UTP20: variants seen among roughly 807,000 people sequenced by gnomAD.
UTP20 encodes the protein small subunit processome component 20 homolog.
In UTP20, 164 loss-of-function variants were observed where a neutral mutation model predicts 329.5. The observed-to-expected ratio is 0.50, with a 90% CI of 0.44 to 0.57. UTP20 has a LOEUF of 0.57. Among genes scored for constraint, UTP20 ranks in the 20% least tolerant of loss-of-function variants. UTP20 has a pLI of 0.00. For synonymous variants in UTP20, 1,151 were observed against 1,159.3 expected (o/e 0.99, Z 0.14); for missense variants, 3,055 against 3,284.2 (o/e 0.93, Z 1.71).
chr12:101,306,624 A>G (rs1304545109), intron 16 of UTP20, 75 bp from the exon 17 acceptor site: 9 of 1,374,880 alleles, frequency 6.5e-6, no homozygotes, highest in Non-Finnish European at 2.0e-6. Flanking sequence ...TAAAACTTAA[A>G]TCTTGCTGAC....
chr12:101,294,001 C>T (rs765561037), intron 11 of UTP20, among the ~76,000 whole-genome samples: 1 of 152,054 alleles, frequency 6.6e-6, no homozygotes, highest in Non-Finnish European at 1.5e-5. Context: ...TAGCAGCCAT[C>T]GGGTCTAATG....
intron 25 of UTP20, among the ~76,000 whole-genome samples, chr12:101,321,872 C>T (rs546814869): frequency 5.8e-4 from 87 of 151,046 alleles, no homozygotes; most frequent in Middle Eastern, 3.4e-3. Context: ...GGCCTCCCAA[C>T]GTGCTAAGAT....
chr12:101,341,107 C>A (rs1359415773), intron 32 of UTP20, among the ~76,000 whole-genome samples: 1 of 151,682 alleles, frequency 6.6e-6, no homozygotes, highest in East Asian at 1.9e-4. Flanking sequence ...TCCCAAGTAG[C>A]TGGGAATACA....
intron 8 of UTP20, 154 bp downstream of exon 8, chr12:101,291,042 C>G: frequency 1.5e-6 from 1 of 680,860 alleles, no homozygotes; most frequent in Non-Finnish European, 2.2e-6. Flanking sequence ...TCCCTCTGCC[C>G]CCCTGTGCTA....
At chr12:101,338,510 T>C (rs1463779589) in intron 30 of UTP20, among the ~76,000 whole-genome samples, 1 of 152,226 alleles carries the variant, frequency 6.6e-6, no homozygotes, top group Non-Finnish European at 1.5e-5. Flanking sequence ...ATGAAAATGA[T>C]TTCTACTGTC....
At chr12:101,377,874 G>A (rs1030851363) in intron 56 of UTP20, among the ~76,000 whole-genome samples, 3 of 152,154 alleles carry the variant, frequency 2.0e-5, no homozygotes, top group African/African-American at 7.2e-5. Flanking sequence ...AATACTGTCT[G>A]TGCTGCCTCC....
At chr12:101,372,593 C>T (rs1870330677) in intron 51 of UTP20, among the ~76,000 whole-genome samples, 1 of 152,262 alleles carries the variant, frequency 6.6e-6, no homozygotes, top group Non-Finnish European at 1.5e-5. Flanking sequence ...GAGAGATCAG[C>T]TTCCAACCTG....
rs967879803 is a variant in UTP20 at position 101,338,169 on chromosome 12, G to A, written c.3760G>A (p.Asp1254Asn). The A allele has an allele frequency of 6.2e-7, 1 of 1,614,122 alleles. No homozygotes were observed. The highest frequency in any genetic ancestry group is 8.5e-7 in the Non-Finnish European group (1 of 1,180,014). ...LSDATASIVMDIVDDLLNLPD... is the reference protein window; with the variant it reads ...LSDATASIVMNIVDDLLNLPD... ...TGATGCCACAGCCAGTATTGTAATG[G>A]ACATAGTTGATGACCTTCTTAACCT... Residue 1254 changes from aspartate (D) to asparagine (N), a missense_variant, in exon 30 of 62, where the codon GAC becomes AAC. This residue lies in a region of UTP20 where 2,445 missense variants were observed against 2,575.5 expected (regional missense o/e 0.95). Coordinates refer to ENST00000261637, the MANE Select transcript of UTP20 (RefSeq NM_014503.3).
At chr12:101,381,721 A>G (rs1325929205) in intron 58 of UTP20, among the ~76,000 whole-genome samples, 1 of 151,930 alleles carries the variant, frequency 6.6e-6, no homozygotes, top group Admixed American at 6.5e-5. Context: ...TGCTCCATTT[A>G]AAATTCCCAA....
chr12:101,306,750 G>A lies in UTP20; in HGVS notation c.1984G>A (p.Glu662Lys). The A allele has an allele frequency of 3.1e-6, 5 of 1,604,420 alleles. No individual in the cohort carries two copies. Among genetic ancestry groups the A allele is most frequent in the Non-Finnish European group, 4.3e-6 (5 of 1,174,718 alleles). The part of the protein sequence containing the change: ...ILNHFDVQLP[E>K]SMEDDGLSER... ...AAACCATTTTGATGTCCAGCTTCCA[G>A]AATCAATGGAGGTATTTTAACTGTT... The change falls in exon 17 of 62, where the codon GAA becomes AAA. Residue 662 changes from glutamate (E) to lysine (K), a missense_variant. By Grantham distance (56) the Glu-to-Lys change is moderately conservative. Transcript: ENST00000261637.
chr12:101,314,942 A>G (rs1041892636), intron 21 of UTP20, among the ~76,000 whole-genome samples: 5 of 151,688 alleles, frequency 3.3e-5, no homozygotes, highest in Admixed American at 3.3e-4. Flanking sequence ...AAATACAAAA[A>G]TTAGCTGGGC....
In UTP20 at chr12:101,329,341, A is replaced by G. The variant is rs1377234263; in HGVS notation, c.3309A>G (p.Ile1103Met). ...RQHGILNSLE[I>M]VLKNISHLIS... The stretch of plus-strand genomic sequence containing the variant: ...ACGGTATCTTAAACAGCCTTGAGAT[A>G]GTATTGAAAAACATTAGTCATCTGA... Residue 1103 changes from isoleucine to methionine, a missense_variant, in exon 27 of 62, where the codon ATA becomes ATG. Transcript: ENST00000261637. 3 of 1,614,190 alleles carry G rather than the reference A, an allele frequency of 1.9e-6. No individual in the cohort carries two copies. The highest frequency in any genetic ancestry group is 2.2e-5 in the South Asian group (2 of 91,078).
At chr12:101,287,102 T>C (rs1015128742) in intron 5 of UTP20, among the ~76,000 whole-genome samples, 1 of 152,198 alleles carries the variant, frequency 6.6e-6, no homozygotes, top group African/African-American at 2.4e-5. Context: ...TTCCACTTGG[T>C]CTTCCGGTTG....
chr12:101,373,317 C>A, intron 52 of UTP20, 84 bp from the exon 53 acceptor site: 1 of 1,334,402 alleles, frequency 7.5e-7, no homozygotes, highest in Non-Finnish European at 1.1e-6. Flanking sequence ...TAAACTGACA[C>A]CTTGATACAA....
At position 101,376,200 on chromosome 12, in the gene UTP20, T is replaced by C. The variant is rs921733339; in HGVS notation, c.7396+444T>C. 5.9e-5 allele frequency among the ~76,000 whole-genome samples: 9 copies of C among 152,282 alleles called. No homozygotes were observed. In the South Asian group the frequency reaches 6.2e-4, roughly 11 times the overall value. On this transcript the variant is annotated intron_variant, in intron 56 of 61. Coordinates refer to ENST00000261637, the MANE Select transcript of UTP20 (RefSeq NM_014503.3). ...TTGCTTAGTTCCATATAAACTTTGATATCCTGTTTGTACCTAAGTAAGCAT... is the reference window on the plus strand; with the variant it reads ...TTGCTTAGTTCCATATAAACTTTGACATCCTGTTTGTACCTAAGTAAGCAT...
At position 101,367,986 on chromosome 12, in the gene UTP20, G is replaced by A. The variant is rs753665414; in HGVS notation, c.6384+10G>A. The A allele has an allele frequency of 1.3e-5, 20 of 1,557,684 alleles. 1 individual carries two copies. Among genetic ancestry groups the A allele is most frequent in the African/African-American group, 6.8e-5 (5 of 73,712 alleles). On this transcript the variant is annotated intron_variant, in intron 48 of 61. Transcript: ENST00000261637. ...CTCCATGGATGTGAAGGTAAGCATCGGTTTGCACTCTGCATTGGAGCATTT... is the reference window on the plus strand; with the variant it reads ...CTCCATGGATGTGAAGGTAAGCATCAGTTTGCACTCTGCATTGGAGCATTT...
intron 30 of UTP20, 105 bp downstream of exon 30, chr12:101,338,382 G>A: frequency 8.8e-7 from 1 of 1,141,432 alleles, no homozygotes; most frequent in Non-Finnish European, 1.3e-6. Context: ...GAGAGCATAT[G>A]CTCAGAAGTT....
intron 18 of UTP20, among the ~76,000 whole-genome samples, chr12:101,309,499 T>C (rs1461061168): frequency 6.6e-6 from 1 of 152,220 alleles, no homozygotes; most frequent in East Asian, 1.9e-4. Context: ...AATCTGTTCA[T>C]TTAAATGAAT....
At chr12:101,285,026 T>A (rs975975040) in intron 2 of UTP20, among the ~76,000 whole-genome samples, 4 of 152,200 alleles carry the variant, frequency 2.6e-5, no homozygotes, top group African/African-American at 9.6e-5. Flanking sequence ...ATATAGACCA[T>A]GGGCTATTCC....
Sources: allele counts gnomAD v4.1 joint callset (sites outside exome capture counted in the v4.1 genomes callset), GRCh38; gene constraint gnomAD v4.1.1; regional missense constraint gnomAD v4.1.1; transcripts MANE v1.5; gene names NCBI Gene and HGNC (gene_info 2026-07-23, HGNC 2026-07-21).